Variants in PTPRR observed in about 807,000 individuals in gnomAD.
The protein encoded by PTPRR is receptor-type tyrosine-protein phosphatase R.
PTPRR carries 38 observed loss-of-function variants against 77.2 expected under a neutral mutation model. The ratio of observed to expected loss-of-function variants is 0.49; its 90% CI spans 0.38 to 0.65. The LOEUF (loss-of-function observed/expected upper bound fraction) is 0.65. Ranked by LOEUF, PTPRR falls within the 30% of genes least tolerant of loss-of-function variation. The pLI is 0.00. For missense variants in PTPRR, 744 were observed against 799.2 expected (o/e 0.93, Z 0.83); for synonymous variants, 299 against 283.1 (o/e 1.06, Z -0.57).
At chr12:70,862,795 A>T (rs1266041318) in intron 2 of PTPRR, among the ~76,000 whole-genome samples, 3 of 152,116 alleles carry the variant, frequency 2.0e-5, no homozygotes, top group African/African-American at 7.2e-5. Flanking sequence ...AAAGGGTAAA[A>T]ATTAAAGAAA....
At chr12:70,891,624 C>T (rs748206243) in intron 2 of PTPRR, among the ~76,000 whole-genome samples, 1 of 151,992 alleles carries the variant, frequency 6.6e-6, no homozygotes, top group African/African-American at 2.4e-5. Flanking sequence ...AAACAAGAGA[C>T]TGTATTTCAT....
At chr12:70,700,415 T>A (rs184617200) in intron 7 of PTPRR, among the ~76,000 whole-genome samples, 1 of 152,314 alleles carries the variant, frequency 6.6e-6, no homozygotes, top group East Asian at 1.9e-4. Flanking sequence ...TAAAACTGAA[T>A]TCATCATTCT....
chr12:70,844,965 A>C (rs17108882), intron 2 of PTPRR, among the ~76,000 whole-genome samples: 3,558 of 152,292 alleles, frequency 0.023, 137 homozygotes, highest in African/African-American at 0.08. Flanking sequence ...TAAAAGTCTC[A>C]GGTATATTTT....
At chr12:70,680,859 T>C (rs1887629600) in intron 10 of PTPRR, among the ~76,000 whole-genome samples, 1 of 152,140 alleles carries the variant, frequency 6.6e-6, no homozygotes, top group Non-Finnish European at 1.5e-5. Context: ...ACCCAACTGT[T>C]GAGTGCACCA....
intron 2 of PTPRR, among the ~76,000 whole-genome samples, chr12:70,858,187 C>CT (rs1280643355): frequency 6.6e-6 from 1 of 151,782 alleles, no homozygotes; most frequent in African/African-American, 2.4e-5. Context: ...TTGATTCTTT[C>CT]TTTTTTCCCT....
intron 10 of PTPRR, among the ~76,000 whole-genome samples, chr12:70,663,927 A>C (rs900953451): frequency 2.6e-5 from 4 of 152,234 alleles, no homozygotes; most frequent in African/African-American, 9.6e-5. Flanking sequence ...GATTTAAAAG[A>C]GCAGCAAAAG....
chr12:70,810,546 C>T (rs1891790955), intron 2 of PTPRR, among the ~76,000 whole-genome samples: 1 of 152,084 alleles, frequency 6.6e-6, no homozygotes, highest in Non-Finnish European at 1.5e-5. Flanking sequence ...TAAAAGATCA[C>T]TTTCTTGAAT....
intron 2 of PTPRR, among the ~76,000 whole-genome samples, chr12:70,833,714 C>A (rs1163030719): frequency 6.6e-6 from 1 of 152,122 alleles, no homozygotes; most frequent in Non-Finnish European, 1.5e-5. Context: ...AGCTGACAAG[C>A]GGGAAGCTCA....
chr12:70,893,408 G>A (rs1893372462), intron 1 of PTPRR, among the ~76,000 whole-genome samples: 1 of 151,764 alleles, frequency 6.6e-6, no homozygotes, highest in Non-Finnish European at 1.5e-5. Flanking sequence ...CTTATTGCTT[G>A]TATTACAATG....
At chr12:70,919,703 T>C (rs1156675940) in intron 1 of PTPRR, among the ~76,000 whole-genome samples, 1 of 117,514 alleles carries the variant, frequency 8.5e-6, no homozygotes, top group Admixed American at 8.9e-5. Context: ...TTTTTTTTTT[T>C]TTAATATGCC....
intron 2 of PTPRR, among the ~76,000 whole-genome samples, chr12:70,815,126 AAGAT>A (rs764958387): frequency 1.4e-4 from 2 of 13,914 alleles, no homozygotes; most frequent in African/African-American, 1.4e-4. Context: ...AAGGAGAGAT[AAGAT>A]ATCAAAAAAA....
At chr12:70,747,097 T>C (rs1565679737) in intron 5 of PTPRR, among the ~76,000 whole-genome samples, 1 of 152,228 alleles carries the variant, frequency 6.6e-6, no homozygotes, top group Admixed American at 6.5e-5. Flanking sequence ...TGTAATGTGT[T>C]TTTTTAAGCT....
intron 10 of PTPRR, among the ~76,000 whole-genome samples, chr12:70,677,436 A>C (rs2136712651): frequency 6.6e-6 from 1 of 152,050 alleles, no homozygotes; most frequent in Admixed American, 6.5e-5. Flanking sequence ...TCTGGCTAGG[A>C]CCCCCAGTAC....
intron 2 of PTPRR, among the ~76,000 whole-genome samples, chr12:70,872,032 A>G (rs1398714378): frequency 6.6e-6 from 1 of 152,222 alleles, no homozygotes; most frequent in Non-Finnish European, 1.5e-5. Context: ...ACCAAACAAC[A>G]AATAAATTTA....
chr12:70,684,066 C>T, intron 10 of PTPRR, 61 bp downstream of exon 10: 2 of 1,542,948 alleles, frequency 1.3e-6, no homozygotes, highest in South Asian at 1.2e-5. Context: ...TTTACTAACA[C>T]AGTATCTCTT....
At position 70,745,856 on chromosome 12, in the gene PTPRR, A is replaced by G. The variant is rs984907588; in HGVS notation, c.969T>C (p.Pro323=). 2 of 1,614,010 alleles carry G rather than the reference A, an allele frequency of 1.2e-6. No homozygotes were observed. The highest frequency in any genetic ancestry group is 2.7e-5 in the African/African-American group (2 of 74,914). ...CTATGGGCTTCATTTTGAAAGGAGA[A>G]GGGCAAACAGAGGTAGCGGTGGTAG... ...IKATTATSVC[P]SPFKMKPIGL... is the part of the protein sequence containing the mutation. The change falls in exon 6 of 14, where the codon CCT becomes CCC. Residue 323 remains proline, a synonymous_variant. Transcript: ENST00000283228.
At chr12:70,704,454 G>A (rs757351383) in intron 6 of PTPRR, among the ~76,000 whole-genome samples, 65 of 149,480 alleles carry the variant, frequency 4.3e-4, no homozygotes, top group Non-Finnish European at 8.2e-4. Context: ...CATAAATAAC[G>A]AAAAAAAAAG....
intron 2 of PTPRR, among the ~76,000 whole-genome samples, chr12:70,800,380 G>A (rs1891594510): frequency 6.6e-6 from 1 of 151,818 alleles, no homozygotes; most frequent in African/African-American, 2.4e-5. Flanking sequence ...CATTAGGCCA[G>A]TGAGTAGGGC....
chr12:70,902,899 G>C lies in PTPRR; in HGVS notation c.59-9922C>G, dbSNP rs939376251. The stretch of plus-strand genomic sequence containing the variant: ...AATAACTTATGGGAAAAAGAGAAAA[G>C]GTAGCATGTACATATAATGTAATAC... On this transcript the variant is annotated intron_variant, in intron 1 of 13. Transcript: ENST00000283228. 5.3e-5 allele frequency among the ~76,000 whole-genome samples: 8 copies of C among 151,584 alleles called. No homozygotes were observed. The Admixed American group carries it at 5.3e-4, about 10-fold the overall frequency.
Sources: gnomAD v4.1 joint callset for allele counts (sites outside exome capture counted in the v4.1 genomes callset) on GRCh38, gnomAD v4.1.1 for gene constraint, MANE v1.5 for transcripts, NCBI Gene and HGNC (gene_info 2026-07-23, HGNC 2026-07-21) for gene names.